The following DLG2 variants were observed in gnomAD, a reference collection of about 807,000 sequenced individuals.
DLG2 encodes discs large MAGUK scaffold protein 2, also known as disks large homolog 2.
DLG2 carries 45 observed loss-of-function variants against 132.5 expected under a neutral mutation model. That is an observed-to-expected ratio of 0.34 (90% CI 0.27 to 0.44). The LOEUF is 0.44. Ranked by LOEUF, DLG2 falls within the 20% of genes least tolerant of loss-of-function variation. The pLI is 1.00. For synonymous variants in DLG2, 424 were observed against 419.6 expected, an observed-to-expected ratio of 1.01 and a Z score of -0.13; for missense variants, 1,045 against 1,196.9, an observed-to-expected ratio of 0.87 and a Z score of 1.87.
chr11:84,108,416 C>T (rs961045043), intron 9 of DLG2, among the ~76,000 whole-genome samples: 6 of 152,050 alleles, frequency 3.9e-5, no homozygotes, highest in Non-Finnish European at 7.4e-5. Flanking sequence ...AAATGGCTAA[C>T]ATTTTTCATT....
intron 17 of DLG2, among the ~76,000 whole-genome samples, chr11:83,826,674 T>C (rs1355751741): frequency 6.6e-6 from 1 of 152,142 alleles, no homozygotes; most frequent in Admixed American, 6.5e-5. Context: ...CTTAGTTGGA[T>C]TTCACTTCAA....
chr11:83,975,043 T>C (rs1458266086), intron 12 of DLG2, among the ~76,000 whole-genome samples: 1 of 152,070 alleles, frequency 6.6e-6, no homozygotes, highest in Non-Finnish European at 1.5e-5. Context: ...AGGGGCTTTG[T>C]CAACTAATAA....
At chr11:84,433,033 A>G (rs1047528481) in intron 7 of DLG2, among the ~76,000 whole-genome samples, 3 of 152,074 alleles carry the variant, frequency 2.0e-5, no homozygotes, top group Non-Finnish European at 4.4e-5. Context: ...AAAAAATTCA[A>G]AAAAAGTTTT....
intron 19 of DLG2, among the ~76,000 whole-genome samples, chr11:83,577,939 T>C (rs1482496238): frequency 7.5e-6 from 1 of 133,110 alleles, no homozygotes; most frequent in Non-Finnish European, 1.6e-5. Context: ...ATATATAATA[T>C]ATATTTAATA....
At chr11:83,722,628 T>C (rs2088932357) in intron 18 of DLG2, among the ~76,000 whole-genome samples, 1 of 152,194 alleles carries the variant, frequency 6.6e-6, no homozygotes, top group Non-Finnish European at 1.5e-5. Flanking sequence ...GCCAGATACA[T>C]ATTAATTGCC....
chr11:85,466,053 C>T (rs1479110012), intron 3 of DLG2, among the ~76,000 whole-genome samples: 1 of 152,140 alleles, frequency 6.6e-6, no homozygotes, highest in Non-Finnish European at 1.5e-5. Flanking sequence ...TCTCTGATGG[C>T]CAGTGATGAT....
chr11:84,273,708 T>C (rs1190947808), intron 7 of DLG2, among the ~76,000 whole-genome samples: 2 of 152,212 alleles, frequency 1.3e-5, no homozygotes, highest in Non-Finnish European at 1.5e-5. Context: ...CACACATATA[T>C]GTACATATAC....
chr11:83,871,215 G>A (rs2063373776), intron 16 of DLG2, among the ~76,000 whole-genome samples: 1 of 152,174 alleles, frequency 6.6e-6, no homozygotes. Flanking sequence ...ACTTGAAACT[G>A]AAACCAGAAC....
At chr11:83,978,133 G>A (rs982392203) in intron 12 of DLG2, among the ~76,000 whole-genome samples, 15 of 150,906 alleles carry the variant, frequency 9.9e-5, no homozygotes, top group African/African-American at 3.6e-4. Context: ...AAATAGTGTA[G>A]TGCCTGGAAA....
chr11:84,644,000 A>G (rs200531050), intron 6 of DLG2, among the ~76,000 whole-genome samples: 150 of 152,326 alleles, frequency 9.8e-4, no homozygotes, highest in African/African-American at 3.3e-3. Context: ...AACAGTCAGT[A>G]TCTTGCCCAG....
At chr11:84,159,240 A>G (rs1469102195) in intron 9 of DLG2, among the ~76,000 whole-genome samples, 1 of 152,232 alleles carries the variant, frequency 6.6e-6, no homozygotes, top group Non-Finnish European at 1.5e-5. Flanking sequence ...ATATATTTAC[A>G]GGAAGGAATA....
intron 6 of DLG2, among the ~76,000 whole-genome samples, chr11:84,907,550 A>C (rs2091652903): frequency 6.6e-6 from 1 of 152,208 alleles, no homozygotes; most frequent in South Asian, 2.1e-4. Context: ...AACACAAAAC[A>C]GTTTCTTCGG....
Position 84,661,178 on chromosome 11 carries a change from T to C in DLG2, c.358-126447A>G, listed in dbSNP as rs529139120. On this transcript the variant is annotated intron_variant, in intron 6 of 27. Transcript: ENST00000376104. ...AAGGCATAATGCTTATTTGTAATCA[T>C]GCCTTTGCAGGTAGTTTTGTTTTGT... is the stretch of plus-strand genomic sequence containing the variant. Among the ~76,000 whole-genome samples, 5 of 152,348 alleles carry C rather than the reference T, an allele frequency of 3.3e-5. No homozygotes were observed. The East Asian group carries it at 7.7e-4, about 24-fold the overall frequency.
intron 3 of DLG2, among the ~76,000 whole-genome samples, chr11:85,300,928 C>T (rs1008464201): frequency 6.6e-6 from 1 of 152,042 alleles, no homozygotes; most frequent in African/African-American, 2.4e-5. Context: ...AGACTGGCCG[C>T]GGTGACTCAC....
chr11:83,795,698 T>G (rs941398565), intron 17 of DLG2, among the ~76,000 whole-genome samples: 15 of 152,252 alleles, frequency 9.9e-5, no homozygotes, highest in African/African-American at 3.4e-4. Context: ...CTTCTCCCAC[T>G]AGGGGCATTT....
At chr11:85,431,574 C>T (rs2091185688) in intron 3 of DLG2, among the ~76,000 whole-genome samples, 1 of 152,228 alleles carries the variant, frequency 6.6e-6, no homozygotes, top group Admixed American at 6.5e-5. Flanking sequence ...CTGGCTAAGC[C>T]AGTTGAGCTC....
In DLG2 at chr11:85,296,519, G is replaced by A. The variant is rs190945823; in HGVS notation, c.41-11154C>T. Among the ~76,000 whole-genome samples the A allele has an allele frequency of 4.4e-5, 6 of 136,690 alleles. No individual in the cohort carries two copies. In the Admixed American group the frequency reaches 4.6e-4, roughly 11 times the overall value. The allele number at this position is 136,690 out of a possible 152,430, so 89.7% of individuals were successfully genotyped here. ...TCTTTCTTATTTTTTCCTTCTTTTG[G>A]ACATACAGCTCTGAATCAGAAGACT... On this transcript the variant is annotated intron_variant, in intron 3 of 27. Coordinates refer to ENST00000376104, the MANE Select transcript of DLG2 (RefSeq NM_001142699.3).
intron 7 of DLG2, among the ~76,000 whole-genome samples, chr11:84,335,487 A>G (rs2098480332): frequency 6.6e-6 from 1 of 152,232 alleles, no homozygotes; most frequent in South Asian, 2.1e-4. Flanking sequence ...TTGATCTCCA[A>G]GGAATTCTGG....
intron 6 of DLG2, among the ~76,000 whole-genome samples, chr11:85,040,080 T>C (rs142474908): frequency 4.9e-4 from 74 of 152,054 alleles, no homozygotes; most frequent in African/African-American, 1.7e-3. Context: ...CTGTAACTTA[T>C]TCAATGTGCA....
Sources: allele counts gnomAD v4.1 joint callset (sites outside exome capture counted in the v4.1 genomes callset), GRCh38; gene constraint gnomAD v4.1.1; transcripts MANE v1.5; gene names NCBI Gene and HGNC (gene_info 2026-07-23, HGNC 2026-07-21).